EYA2: variants seen among roughly 807,000 people sequenced by gnomAD.
EYA2 encodes the protein protein phosphatase EYA2.
In EYA2, 31 loss-of-function variants were observed where a neutral mutation model predicts 69.2. That is an observed-to-expected ratio of 0.45 (90% CI 0.34 to 0.60). EYA2 has a LOEUF of 0.60. Ranked by LOEUF, EYA2 falls within the 20% of genes least tolerant of loss-of-function variation. The probability of loss-of-function intolerance (pLI) is 0.02; values close to 1 mark genes in which losing one functional copy is unlikely to be tolerated. For synonymous variants in EYA2, 257 were observed against 279.4 expected, an observed-to-expected ratio of 0.92 and a Z score of 0.80; for missense variants, 622 against 701.2, an observed-to-expected ratio of 0.89 and a Z score of 1.28.
intron 1 of EYA2, among the ~76,000 whole-genome samples, chr20:46,956,227 C>A (rs563147822): frequency 6.6e-6 from 1 of 152,278 alleles, no homozygotes; most frequent in African/African-American, 2.4e-5. Context: ...TGATTTTTTG[C>A]CCATCAGTGA....
chr20:47,056,843 G>A (rs998453712), intron 5 of EYA2, among the ~76,000 whole-genome samples: 17 of 152,026 alleles, frequency 1.1e-4, no homozygotes, highest in Non-Finnish European at 5.9e-5. Flanking sequence ...CCAGAAGTTC[G>A]AGACCAGCCT....
intron 1 of EYA2, among the ~76,000 whole-genome samples, chr20:46,903,932 T>G (rs1389003385): frequency 1.3e-5 from 2 of 152,202 alleles, no homozygotes; most frequent in Non-Finnish European, 2.9e-5. Context: ...ACTGCCTGCC[T>G]CCATTCAATG....
chr20:47,162,635 C>A (rs1385860748), intron 10 of EYA2, among the ~76,000 whole-genome samples: 1 of 151,482 alleles, frequency 6.6e-6, no homozygotes, highest in Non-Finnish European at 1.5e-5. Context: ...CCTCCCACCT[C>A]AGCCTCCCAA....
chr20:47,134,560 C>G (rs993475152), intron 9 of EYA2, among the ~76,000 whole-genome samples: 1 of 144,042 alleles, frequency 6.9e-6, no homozygotes, highest in Non-Finnish European at 1.5e-5. Flanking sequence ...ACATTTTACA[C>G]TATAACCCAC....
intron 9 of EYA2, among the ~76,000 whole-genome samples, chr20:47,120,670 A>AAGGTCTCAGTCTGTAAAATTGGAACAGC: frequency 6.6e-6 from 1 of 152,130 alleles, no homozygotes; most frequent in Non-Finnish European, 1.5e-5. Context: ...GTTTTTTCCT[A>AAGGTCTCAGTCTGTAAAATTGGAACAGC]AGGTCTCAGT....
In EYA2 at chr20:47,091,527, C is replaced by T. The variant is rs149880483; in HGVS notation, c.804+2146C>T. ...GCCGAGGTGGGCAGATTGCTTAAGT[C>T]CAGTAATTTGAAACCAGCCTGGGCA... On this transcript the variant is annotated intron_variant, in intron 8 of 15. Coordinates refer to ENST00000327619, the MANE Select transcript of EYA2 (RefSeq NM_005244.5). 1.3e-4 allele frequency among the ~76,000 whole-genome samples: 20 copies of T among 149,334 alleles called. No homozygotes were observed. The East Asian group carries it at 3.9e-3, about 29-fold the overall frequency.
At chr20:47,132,105 C>A (rs573419920) in intron 9 of EYA2, among the ~76,000 whole-genome samples, 1 of 152,120 alleles carries the variant, frequency 6.6e-6, no homozygotes, top group Non-Finnish European at 1.5e-5. Context: ...CACACCACCA[C>A]GCCCAGCTAA....
At chr20:47,129,568 C>T (rs1400714654) in intron 9 of EYA2, among the ~76,000 whole-genome samples, 1 of 152,188 alleles carries the variant, frequency 6.6e-6, no homozygotes, top group East Asian at 1.9e-4. Flanking sequence ...TGGCTTTACT[C>T]AGAGGGCCAG....
At chr20:47,179,736 C>T (rs761549988) in intron 12 of EYA2, 62 bp from the exon 13 acceptor site, 1 of 1,243,722 alleles carries the variant, frequency 8.0e-7, no homozygotes, top group Non-Finnish European at 1.2e-6. Flanking sequence ...TTCCTGTTCC[C>T]TACCTTCATC....
At chr20:47,021,499 C>T (rs1257238731) in intron 5 of EYA2, among the ~76,000 whole-genome samples, 1 of 151,962 alleles carries the variant, frequency 6.6e-6, no homozygotes, top group African/African-American at 2.4e-5. Flanking sequence ...TGGTGGCACA[C>T]ACCTGCAATT....
At chr20:47,145,320 C>CG (rs2033677755) in intron 10 of EYA2, among the ~76,000 whole-genome samples, 2 of 151,866 alleles carry the variant, frequency 1.3e-5, no homozygotes, top group African/African-American at 4.8e-5. Flanking sequence ...AGATGGAGAT[C>CG]GGGGGCAGTG....
intron 7 of EYA2, among the ~76,000 whole-genome samples, chr20:47,081,813 G>C (rs962869273): frequency 3.3e-5 from 5 of 150,748 alleles, no homozygotes; most frequent in African/African-American, 9.7e-5. Flanking sequence ...AAAAAAGAGA[G>C]AGAGAGAGAA....
At chr20:47,010,953 A>T (rs1453964894) in intron 4 of EYA2, among the ~76,000 whole-genome samples, 2 of 152,068 alleles carry the variant, frequency 1.3e-5, no homozygotes, top group Middle Eastern at 3.4e-3. Context: ...ACACCCAGCT[A>T]ATTTTTTGTA....
intron 5 of EYA2, among the ~76,000 whole-genome samples, chr20:47,027,031 G>A (rs1314459634): frequency 2.0e-5 from 3 of 152,022 alleles, no homozygotes; most frequent in African/African-American, 2.4e-5. Context: ...CACAGGTCCC[G>A]AGATGTCTAG....
chr20:46,967,826 G>A (rs758012796), intron 1 of EYA2, among the ~76,000 whole-genome samples: 19 of 152,156 alleles, frequency 1.2e-4, no homozygotes, highest in Non-Finnish European at 2.2e-4. Context: ...ATCACAGATC[G>A]GGATGATTGG....
At chr20:47,005,134 G>A (rs1266630541) in intron 4 of EYA2, 50 bp downstream of exon 4, 2 of 1,596,888 alleles carry the variant, frequency 1.3e-6, no homozygotes, top group South Asian at 2.2e-5. Flanking sequence ...CCAAATCATG[G>A]TCTTTGTTCT....
intron 1 of EYA2, among the ~76,000 whole-genome samples, chr20:46,933,386 G>T (rs896948946): frequency 1.3e-5 from 2 of 152,172 alleles, no homozygotes; most frequent in Non-Finnish European, 2.9e-5. Flanking sequence ...TGTTGGATCG[G>T]CTGGCCACAC....
intron 5 of EYA2, among the ~76,000 whole-genome samples, chr20:47,040,751 C>T (rs1025978579): frequency 6.6e-6 from 1 of 152,190 alleles, no homozygotes; most frequent in African/African-American, 2.4e-5. Flanking sequence ...TCAGCTCAGC[C>T]TTTCTGGCTG....
At chr20:47,135,818 C>CAAAAAAAAAAAAAAAAAAAA (rs1201324879) in intron 9 of EYA2, among the ~76,000 whole-genome samples, 21 of 33,224 alleles carry the variant, frequency 6.3e-4, no homozygotes, top group Non-Finnish European at 8.3e-4. Flanking sequence ...CCTGTCTCTA[C>CAAAAAAAAAAAAAAAAAAAA]AAAAAAAAAA....
Sources: gnomAD v4.1 joint callset for allele counts (sites outside exome capture counted in the v4.1 genomes callset) on GRCh38, gnomAD v4.1.1 for gene constraint, MANE v1.5 for transcripts, NCBI Gene and HGNC (gene_info 2026-07-23, HGNC 2026-07-21) for gene names.